TARS1: variants seen among roughly 807,000 people sequenced by gnomAD.
TARS1 encodes threonyl-tRNA synthetase 1.
A neutral mutation model predicts 97.7 loss-of-function variants in TARS1; 57 were observed. The ratio of observed to expected loss-of-function variants is 0.58; its 90% CI spans 0.47 to 0.73. The LOEUF (loss-of-function observed/expected upper bound fraction) is 0.73. Among genes scored for constraint, TARS1 ranks in the 30% least tolerant of loss-of-function variants. The probability of loss-of-function intolerance (pLI) is 0.00; values close to 1 mark genes in which losing one functional copy is unlikely to be tolerated. For synonymous variants in TARS1, 312 were observed against 293.7 expected (o/e 1.06, Z -0.64); for missense variants, 806 against 888.3 (o/e 0.91, Z 1.18).
In TARS1 at chr5:33,467,719, A is replaced by G. The variant is rs2111615807; in HGVS notation, c.*11A>G. On this transcript the variant is annotated 3_prime_UTR_variant, in exon 19 of 19. Coordinates refer to ENST00000265112, the MANE Select transcript of TARS1 (RefSeq NM_152295.5). ...GAAGAAGAATTTTAATGAAAAAATT[A>G]CCCAGATTGGCTCCATGGAAAAGGA... is the stretch of plus-strand genomic sequence containing the variant. 1 of 1,607,960 alleles carries G rather than the reference A, an allele frequency of 6.2e-7. No homozygotes were observed. The highest frequency in any genetic ancestry group is 8.5e-7 in the Non-Finnish European group (1 of 1,177,950).
At chr5:33,451,776 A>G (rs1448435845) in intron 3 of TARS1, among the ~76,000 whole-genome samples, 1 of 152,236 alleles carries the variant, frequency 6.6e-6, no homozygotes, top group Non-Finnish European at 1.5e-5. Context: ...CTCTATTCTT[A>G]GAATCTTGGG....
At chr5:33,452,430 T>C in intron 3 of TARS1, 1 of 1,535,186 alleles carries the variant, frequency 6.5e-7, no homozygotes, top group Non-Finnish European at 8.7e-7. Flanking sequence ...TGGCCTCCTC[T>C]TTTCTTCCTG....
Position 33,461,739 on chromosome 5 carries a change from C to T in TARS1, c.1624C>T (p.Pro542Ser). ...LNSGDGAFYG[P>S]KIDIQIKDAI... ...CTCTGGAGATGGAGCTTTCTATGGC[C>T]CAAAGGTGAGCACTAAAGTACATTT... The change falls in exon 14 of 19, where the codon CCA becomes TCA. Residue 542 changes from proline (P) to serine (S), a missense_variant. Physicochemically the swap from Pro to Ser is moderately conservative, Grantham distance 74. Around this residue, in one of 3 missense-constraint regions of TARS1, gnomAD observed 446 missense variants for 511.0 expected, o/e 0.87. Transcript: ENST00000265112. The T allele has an allele frequency of 6.2e-7, 1 of 1,613,228 alleles. No individual in the cohort carries two copies. The highest frequency in any genetic ancestry group is 2.2e-5 in the East Asian group (1 of 44,884).
chr5:33,458,649 T>C lies in TARS1; in HGVS notation c.1068T>C (p.Leu356=). ...AAGGAGCCTACATTTATAATGCACT[T>C]ATTGAATTCATTAGGGTAAGTCATA... ...LPKGAYIYNA[L]IEFIRSEYRK... The change falls in exon 10 of 19, where the codon CTT becomes CTC. Residue 356 remains leucine (L), a synonymous_variant. Coordinates refer to ENST00000265112, the MANE Select transcript of TARS1 (RefSeq NM_152295.5). The C allele has an allele frequency of 6.2e-7, 1 of 1,612,582 alleles. No homozygotes were observed. The highest frequency in any genetic ancestry group is 8.5e-7 in the Non-Finnish European group (1 of 1,179,080).
Position 33,441,063 on chromosome 5 carries a change from C to G in TARS1, c.-24C>G. On this transcript the variant is annotated 5_prime_UTR_variant, in exon 1 of 19. Coordinates refer to ENST00000265112, the MANE Select transcript of TARS1 (RefSeq NM_152295.5). ...TCCTCTAGGCCGTCGCTTTCGGGTT[C>G]TCTCATCGCTTCGTCGTTCGCCAAT... 1 of 1,614,144 alleles carries G rather than the reference C, an allele frequency of 6.2e-7. No individual in the cohort carries two copies. The highest frequency in any genetic ancestry group is 8.5e-7 in the Non-Finnish European group (1 of 1,179,982).
At chr5:33,453,153 A>G (rs1364275453) in intron 3 of TARS1, 136 bp from the exon 4 acceptor site, 1 of 1,139,738 alleles carries the variant, frequency 8.8e-7, no homozygotes, top group Non-Finnish European at 1.1e-6. Flanking sequence ...TTTTATCATT[A>G]TATTTCAGAA....
Position 33,455,042 on chromosome 5 carries a change from A to G in TARS1, c.551A>G (p.Tyr184Cys), listed in dbSNP as rs776290053. 2.5e-6 allele frequency: 4 copies of G among 1,613,710 alleles called. No homozygotes were observed. Among genetic ancestry groups the G allele is most frequent in the Non-Finnish European group, 2.5e-6 (3 of 1,179,864 alleles). ...CYGPPIENGF[Y>C]YDMYLEEGGV... ...GGTCCGCCAATAGAAAATGGATTCTATTATGACATGTACCTCGAAGAAGGG... is the reference window on the plus strand; with the variant it reads ...GGTCCGCCAATAGAAAATGGATTCTGTTATGACATGTACCTCGAAGAAGGG... The change falls in exon 5 of 19, where the codon TAT (tyrosine) becomes TGT (cysteine). Residue 184 changes from tyrosine to cysteine, a missense_variant. By Grantham distance (194) the Tyr-to-Cys change is radical. Coordinates refer to ENST00000265112, the MANE Select transcript of TARS1 (RefSeq NM_152295.5).
intron 17 of TARS1, among the ~76,000 whole-genome samples, chr5:33,464,560 A>G (rs959157743): frequency 2.0e-5 from 3 of 152,258 alleles, no homozygotes; most frequent in African/African-American, 7.2e-5. Flanking sequence ...ATACTGTAAC[A>G]TCAAAACCAT....
At position 33,448,740 on chromosome 5, in the gene TARS1, T is replaced by C; in HGVS notation, c.329+9T>C. 6.3e-7 allele frequency: 1 copy of C among 1,594,910 alleles called. No homozygotes were observed. The highest frequency in any genetic ancestry group is 8.5e-7 in the Non-Finnish European group (1 of 1,170,180). On this transcript the variant is annotated intron_variant, in intron 3 of 18. Transcript: ENST00000265112. ...ATTGCCTGTGGAATTAGGTATAAGC[T>C]ACACCCATCATGACCTTCCATAGTT...
At chr5:33,441,187 G>A (rs765987231) in intron 1 of TARS1, 44 bp downstream of exon 1, 1 of 1,611,444 alleles carries the variant, frequency 6.2e-7, no homozygotes, top group East Asian at 2.2e-5. Context: ...TGGGACTCTA[G>A]TGGGTGCAGA....
At position 33,454,939 on chromosome 5, in the gene TARS1, T is replaced by G. The variant is rs1245788982; in HGVS notation, c.454-6T>G. On this transcript the variant is annotated splice_polypyrimidine_tract_variant and splice_region_variant and intron_variant, in intron 4 of 18. Coordinates refer to ENST00000265112, the MANE Select transcript of TARS1 (RefSeq NM_152295.5). ...CAGACCATGCCATTTTTCTTTAAAT[T>G]TTCAGGTGTATTGGCACTCTAGTGC... 6.2e-7 allele frequency: 1 copy of G among 1,612,378 alleles called. No homozygotes were observed. The highest frequency in any genetic ancestry group is 1.1e-5 in the South Asian group (1 of 90,700).
At chr5:33,450,071 A>T (rs1433969805) in intron 3 of TARS1, among the ~76,000 whole-genome samples, 1 of 152,234 alleles carries the variant, frequency 6.6e-6, no homozygotes, top group African/African-American at 2.4e-5. Flanking sequence ...GCAGATTTTC[A>T]TGTAGTTGTA....
intron 3 of TARS1, chr5:33,452,336 T>C (rs1579581527): frequency 1.3e-6 from 2 of 1,535,102 alleles, no homozygotes; most frequent in South Asian, 2.4e-5. Context: ...TCAACTCTGC[T>C]CTAGTCACAC....
intron 4 of TARS1, 56 bp downstream of exon 4, chr5:33,453,468 CT>C: frequency 2.5e-6 from 4 of 1,603,520 alleles, no homozygotes; most frequent in South Asian, 1.1e-5. Context: ...CATTTGAAGT[CT>C]TTTCCAGCTC....
At chr5:33,444,537 A>T (rs930532670) in intron 1 of TARS1, among the ~76,000 whole-genome samples, 1 of 152,166 alleles carries the variant, frequency 6.6e-6, no homozygotes, top group African/African-American at 2.4e-5. Context: ...CTTCTAATTG[A>T]AGTCTGTATT....
intron 1 of TARS1, among the ~76,000 whole-genome samples, chr5:33,444,047 A>G (rs1255129653): frequency 6.6e-6 from 1 of 152,216 alleles, no homozygotes; most frequent in Non-Finnish European, 1.5e-5. Flanking sequence ...ATGGATAAGT[A>G]AGCAATGGAA....
intron 4 of TARS1, among the ~76,000 whole-genome samples, chr5:33,454,260 T>C (rs147341109): frequency 3.6e-4 from 55 of 152,374 alleles, no homozygotes; most frequent in African/African-American, 1.2e-3. Flanking sequence ...GATTGTTCAC[T>C]TATGTATGTG....
chr5:33,441,044 A>G lies in TARS1; in HGVS notation c.-43A>G, dbSNP rs75248757. 3.6e-4 allele frequency: 581 copies of G among 1,613,796 alleles called. 2 individuals are homozygous for G. The East Asian group carries it at 0.011, about 32-fold the overall frequency. Reference sequence around the variant, plus strand: ...ACCCGCCTCTTGGCTCCTCTCCTCTAGGCCGTCGCTTTCGGGTTCTCTCAT... The same window carrying G: ...ACCCGCCTCTTGGCTCCTCTCCTCTGGGCCGTCGCTTTCGGGTTCTCTCAT... On this transcript the variant is annotated 5_prime_UTR_variant, in exon 1 of 19. Transcript: ENST00000265112.
At chr5:33,448,760 A>T in intron 3 of TARS1, 29 bp downstream of exon 3, 1 of 1,516,606 alleles carries the variant, frequency 6.6e-7, no homozygotes, top group Non-Finnish European at 8.9e-7. Flanking sequence ...ATGACCTTCC[A>T]TAGTTTGTGG....
Sources: allele counts gnomAD v4.1 joint callset (sites outside exome capture counted in the v4.1 genomes callset), GRCh38; gene constraint gnomAD v4.1.1; regional missense constraint gnomAD v4.1.1; transcripts MANE v1.5; gene names NCBI Gene and HGNC (gene_info 2026-07-23, HGNC 2026-07-21).